ROS1: variants seen among roughly 807,000 people sequenced by gnomAD.
ROS1 encodes the protein ROS proto-oncogene 1, receptor tyrosine kinase.
In ROS1, 263 loss-of-function variants were observed where a neutral mutation model predicts 273.5. The ratio of observed to expected loss-of-function variants is 0.96; its 90% CI spans 0.87 to 1.06. ROS1 has a LOEUF of 1.06. ROS1 is among the 50% of genes least tolerant of loss of function. ROS1 has a pLI of 0.00. For synonymous variants in ROS1, 1,008 were observed against 954.1 expected (o/e 1.06, Z -1.04); for missense variants, 2,833 against 2,751.1 (o/e 1.03, Z -0.67).
chr6:117,386,605 G>A (rs141890686), intron 15 of ROS1, among the ~76,000 whole-genome samples: 14 of 152,338 alleles, frequency 9.2e-5, no homozygotes, highest in Non-Finnish European at 2.1e-4. Flanking sequence ...GGCTGTTAAT[G>A]TGAGATGGCA....
intron 39 of ROS1, among the ~76,000 whole-genome samples, chr6:117,313,406 A>G (rs1775687054): frequency 6.6e-6 from 1 of 151,978 alleles, no homozygotes; most frequent in African/African-American, 2.4e-5. Context: ...TGTCTCTACT[A>G]CAAAAAATAT....
At chr6:117,411,792 A>T (rs1459040462) in intron 4 of ROS1, among the ~76,000 whole-genome samples, 2 of 152,200 alleles carry the variant, frequency 1.3e-5, no homozygotes, top group Non-Finnish European at 2.9e-5. Context: ...TTTGGGATCT[A>T]AGAATATGAC....
chr6:117,312,726 G>A (rs972386712), intron 39 of ROS1, among the ~76,000 whole-genome samples: 1 of 151,936 alleles, frequency 6.6e-6, no homozygotes, highest in African/African-American at 2.4e-5. Context: ...TCAACCTGTT[G>A]GGATACCTCA....
At chr6:117,398,330 CA>C (rs1562364883) in intron 7 of ROS1, among the ~76,000 whole-genome samples, 1 of 151,962 alleles carries the variant, frequency 6.6e-6, no homozygotes, top group African/African-American at 2.4e-5. Context: ...CCTTGTCTGA[CA>C]ATCATTCCTT....
intron 27 of ROS1, among the ~76,000 whole-genome samples, chr6:117,351,155 C>T (rs562132289): frequency 6.6e-6 from 1 of 152,124 alleles, no homozygotes; most frequent in East Asian, 1.9e-4. Context: ...ATTTTATAGT[C>T]TTAGATTAGA....
chr6:117,412,765 T>A (rs958429861), intron 4 of ROS1, among the ~76,000 whole-genome samples: 1 of 152,188 alleles, frequency 6.6e-6, no homozygotes, highest in Non-Finnish European at 1.5e-5. Context: ...ATTTACACTA[T>A]ATAATCACAG....
intron 14 of ROS1, among the ~76,000 whole-genome samples, chr6:117,387,569 A>C (rs1369217283): frequency 6.6e-6 from 1 of 152,230 alleles, no homozygotes; most frequent in African/African-American, 2.4e-5. Flanking sequence ...GCAGGTTAGA[A>C]ACACTAATTA....
intron 5 of ROS1, among the ~76,000 whole-genome samples, chr6:117,408,868 G>A (rs987777478): frequency 2.6e-5 from 4 of 152,110 alleles, no homozygotes; most frequent in African/African-American, 9.7e-5. Flanking sequence ...CATACACCAT[G>A]GAATACTGTG....
At chr6:117,373,639 G>A (rs555540063) in intron 18 of ROS1, among the ~76,000 whole-genome samples, 6 of 152,222 alleles carry the variant, frequency 3.9e-5, no homozygotes, top group South Asian at 2.1e-4. Flanking sequence ...ACCACCACAC[G>A]TAGCCCTGGT....
intron 14 of ROS1, among the ~76,000 whole-genome samples, chr6:117,387,334 C>T (rs909282412): frequency 1.3e-5 from 2 of 152,076 alleles, no homozygotes; most frequent in Admixed American, 6.5e-5. Flanking sequence ...TCAGAGCATC[C>T]AGAAGAGACT....
intron 17 of ROS1, among the ~76,000 whole-genome samples, chr6:117,379,877 G>T (rs1214979908): frequency 6.6e-6 from 1 of 152,102 alleles, no homozygotes; most frequent in African/African-American, 2.4e-5. Context: ...GAATAGTAAT[G>T]TGTATATAAA....
intron 5 of ROS1, 42 bp downstream of exon 5, chr6:117,409,540 G>C: frequency 7.2e-7 from 1 of 1,391,654 alleles, no homozygotes; most frequent in Non-Finnish European, 1.0e-6. Context: ...AGTCACTAGA[G>C]TGGTGCAGCC....
In ROS1 at chr6:117,326,090, AT is replaced by A. The variant is rs376948127; in HGVS notation, c.5539+133del. On this transcript the variant is annotated intron_variant, in intron 34 of 43. Transcript: ENST00000368507. ...ATAGTTTAATAGTTTGGATAATAAG[AT>A]TATATATATATATATATATATATAT... 252 of 117,554 alleles carry A rather than the reference AT, an allele frequency of 2.1e-3. 1 individual carries two copies. The highest frequency in any genetic ancestry group is 0.011 in the African/African-American group (153 of 13,336). The allele number at this position is 117,554 out of a possible 1,614,324, so 7.3% of individuals were successfully genotyped here.
At chr6:117,381,151 T>C (rs1281994486) in intron 17 of ROS1, among the ~76,000 whole-genome samples, 3 of 151,448 alleles carry the variant, frequency 2.0e-5, no homozygotes, top group Non-Finnish European at 4.4e-5. Flanking sequence ...ACAACAGCAC[T>C]TGACAACCTG....
At chr6:117,352,620 G>C (rs1778969359) in intron 27 of ROS1, among the ~76,000 whole-genome samples, 1 of 152,128 alleles carries the variant, frequency 6.6e-6, no homozygotes. Flanking sequence ...CTGTTACCTT[G>C]AAAACAAGGT....
chr6:117,413,457 C>T (rs145902722), intron 4 of ROS1, among the ~76,000 whole-genome samples: 63 of 152,136 alleles, frequency 4.1e-4, no homozygotes, highest in Non-Finnish European at 8.1e-4. Flanking sequence ...TGTCAAATAA[C>T]CTTATTTTGA....
intron 24 of ROS1, 97 bp downstream of exon 24, chr6:117,359,712 A>T: frequency 1.1e-6 from 1 of 947,566 alleles, no homozygotes; most frequent in Non-Finnish European, 1.6e-6. Context: ...TTCTAATCTT[A>T]ATGACTAAAC....
intron 24 of ROS1, among the ~76,000 whole-genome samples, chr6:117,359,123 T>C (rs1779568594): frequency 6.6e-6 from 1 of 152,154 alleles, no homozygotes; most frequent in Non-Finnish European, 1.5e-5. Context: ...TGTTTTCCTG[T>C]CTTTGTACCC....
At position 117,396,171 on chromosome 6, in the gene ROS1, A is replaced by G; in HGVS notation, c.883+17T>C. 2 of 1,606,870 alleles carry G rather than the reference A, an allele frequency of 1.2e-6. No individual in the cohort carries two copies. The highest frequency in any genetic ancestry group is 1.7e-6 in the Non-Finnish European group (2 of 1,174,026). On this transcript the variant is annotated intron_variant, in intron 9 of 43. Transcript: ENST00000368507. Reference sequence around the variant, plus strand: ...CCCTCATTCCTGTGTAGCTAAAGGAAGAAGCCTGACCCATACCTGCTGAAG... The same window carrying G: ...CCCTCATTCCTGTGTAGCTAAAGGAGGAAGCCTGACCCATACCTGCTGAAG...
Sources: gnomAD v4.1 joint callset for allele counts (sites outside exome capture counted in the v4.1 genomes callset) on GRCh38, gnomAD v4.1.1 for gene constraint, MANE v1.5 for transcripts, NCBI Gene and HGNC (gene_info 2026-07-23, HGNC 2026-07-21) for gene names.